The following TCOF1 variants were observed in gnomAD, a reference collection of about 807,000 sequenced individuals.
TCOF1 encodes treacle ribosome biogenesis factor 1, also known as treacle protein.
TCOF1 carries 33 observed loss-of-function variants against 149.0 expected under a neutral mutation model. The observed-to-expected ratio is 0.22, with a 90% CI of 0.17 to 0.30. The LOEUF (loss-of-function observed/expected upper bound fraction) is 0.30. TCOF1 is among the 10% of genes least tolerant of loss of function. The pLI, the probability that TCOF1 is intolerant of heterozygous loss-of-function variation, is 1.00. For missense variants in TCOF1, 1,728 were observed against 1,840.7 expected (o/e 0.94, Z 1.12); for synonymous variants, 789 against 738.8 (o/e 1.07, Z -1.10).
At chr5:150,378,620 C>T (rs1489716993) in intron 14 of TCOF1, 9 of 457,206 alleles carry the variant, frequency 2.0e-5, no homozygotes, top group South Asian at 1.3e-4. Flanking sequence ...AAGGAAGGCA[C>T]GCACAATGAG....
At chr5:150,364,321 GCTT>G in intron 3 of TCOF1, 69 bp downstream of exon 3, 1 of 1,605,526 alleles carries the variant, frequency 6.2e-7, no homozygotes, top group Non-Finnish European at 8.5e-7. Context: ...TCTACCTCCA[GCTT>G]CTTCTCTTAT....
chr5:150,379,147 A>T, intron 15 of TCOF1, 82 bp from the exon 16 acceptor site: 1 of 1,613,962 alleles, frequency 6.2e-7, no homozygotes. Context: ...CAGGCCACCC[A>T]CCCAGAGTTG....
chr5:150,361,804 G>C (rs1201451269), intron 2 of TCOF1, among the ~76,000 whole-genome samples: 1 of 152,182 alleles, frequency 6.6e-6, no homozygotes, highest in African/African-American at 2.4e-5. Flanking sequence ...GAGTGTACCT[G>C]CCAGTGGAAA....
At chr5:150,363,769 G>T (rs1309770282) in intron 2 of TCOF1, among the ~76,000 whole-genome samples, 2 of 152,224 alleles carry the variant, frequency 1.3e-5, no homozygotes, top group Admixed American at 6.5e-5. Flanking sequence ...AGAAGGCACA[G>T]TACACACAGC....
chr5:150,392,893 C>A, intron 22 of TCOF1, 103 bp downstream of exon 22: 1 of 1,384,920 alleles, frequency 7.2e-7, no homozygotes, highest in Non-Finnish European at 1.0e-6. Context: ...TGGGTCCCCT[C>A]TCTTCACAGA....
In TCOF1 at chr5:150,395,498, C is replaced by T. The variant is rs558995405; in HGVS notation, c.3785-784C>T. On this transcript the variant is annotated intron_variant, in intron 23 of 26. Coordinates refer to ENST00000643257, the MANE Select transcript of TCOF1 (RefSeq NM_001371623.1). ...CTTCCCCAACATTCTCTGTGAGAGG[C>T]GGTGCGACAAGGAGACATTTTAGAG... Among the ~76,000 whole-genome samples, 5 of 151,200 alleles carry T rather than the reference C, an allele frequency of 3.3e-5. No individual in the cohort carries two copies. The East Asian group carries it at 7.7e-4, about 23-fold the overall frequency.
intron 1 of TCOF1, among the ~76,000 whole-genome samples, chr5:150,360,044 A>G (rs188411475): frequency 1.2e-3 from 188 of 152,302 alleles, no homozygotes; most frequent in Non-Finnish European, 2.1e-3. Flanking sequence ...TGAGGACAGC[A>G]AGGAGGACAC....
chr5:150,367,253 C>T (rs192395094), intron 3 of TCOF1, among the ~76,000 whole-genome samples: 2 of 152,078 alleles, frequency 1.3e-5, no homozygotes, highest in African/African-American at 4.8e-5. Flanking sequence ...TGCAGTGAGC[C>T]GAGATTGTGC....
rs1008728630 is a variant in TCOF1 at position 150,398,402 on chromosome 5, C to G, written c.4394C>G (p.Ala1465Gly). The change falls in exon 25 of 27, where the codon GCC becomes GGC. Residue 1465 changes from alanine (A) to glycine (G), a missense_variant. This residue lies in a region of TCOF1 where 1,696 missense variants were observed against 1,765.4 expected (regional missense o/e 0.96). Transcript: ENST00000643257. ...KKEKKKKAKK[A>G]STKDSESPSQ... ...GAAAAGAAGAAGAAAGCAAAAAAGG[C>G]CTCAACCAAAGATTCTGAGTCACCG... 1 of 1,613,944 alleles carries G rather than the reference C, an allele frequency of 6.2e-7. No homozygotes were observed. The highest frequency in any genetic ancestry group is 1.7e-5 in the Admixed American group (1 of 59,976).
chr5:150,371,906 A>T lies in TCOF1; in HGVS notation c.640-100A>T, dbSNP rs977737282. On this transcript the variant is annotated intron_variant, in intron 6 of 26. Coordinates refer to ENST00000643257, the MANE Select transcript of TCOF1 (RefSeq NM_001371623.1). ...GGGAGTTGCTTAAAAATCCAGTGACATTAGGAAAGAGCTTTATCAACTGCT... is the reference window on the plus strand; with the variant it reads ...GGGAGTTGCTTAAAAATCCAGTGACTTTAGGAAAGAGCTTTATCAACTGCT... 3.6e-6 allele frequency: 4 copies of T among 1,102,154 alleles called. No individual in the cohort carries two copies. In the African/African-American group the frequency reaches 4.7e-5, roughly 13 times the overall value. 68.3% of individuals were successfully genotyped at this position (1,102,154 alleles called of 1,614,324 possible).
intron 23 of TCOF1, chr5:150,394,356 T>C (rs1322212523): frequency 6.5e-6 from 1 of 152,898 alleles, no homozygotes; most frequent in Non-Finnish European, 1.5e-5. Flanking sequence ...TGTAAAGCCT[T>C]GGAAATCCCC....
In TCOF1 at chr5:150,378,701, G is replaced by A. The variant is rs192813855; in HGVS notation, c.2341-204G>A. The A allele has an allele frequency of 7.1e-5, 46 of 649,938 alleles. No individual in the cohort carries two copies. The Admixed American group carries it at 8.3e-4, about 12-fold the overall frequency. The allele number at this position is 649,938 out of a possible 1,614,324, so 40.3% of individuals were successfully genotyped here. A position where few individuals can be genotyped will look rare whatever the true frequency, so the allele number is the denominator to read the frequency against. On this transcript the variant is annotated intron_variant, in intron 14 of 26. Coordinates refer to ENST00000643257, the MANE Select transcript of TCOF1 (RefSeq NM_001371623.1). ...TCCTATTTAGTCTTCATCATAACCC[G>A]TAGGTGGGCCTTATTATTATCTCCA...
intron 20 of TCOF1, 123 bp downstream of exon 20, chr5:150,391,780 C>A: frequency 8.4e-7 from 1 of 1,191,252 alleles, no homozygotes; most frequent in Non-Finnish European, 1.2e-6. Context: ...CTCCCTCGGC[C>A]TCAGTGGCCT....
chr5:150,368,021 A>T, intron 4 of TCOF1, 104 bp downstream of exon 4: 1 of 1,287,832 alleles, frequency 7.8e-7, no homozygotes. Context: ...TAATTGCCCC[A>T]CCTGGATTCA....
chr5:150,357,905 AGCGGCCC>A lies in TCOF1; in HGVS notation c.108+62_108+68del, dbSNP rs151344564. 1.3e-3 allele frequency: 1,962 copies of A among 1,517,944 alleles called. 16 individuals carry two copies. The East Asian group carries it at 0.014, about 11-fold the overall frequency. 94.0% of individuals were successfully genotyped at this position (1,517,944 alleles called of 1,614,324 possible). A position where few individuals can be genotyped will look rare whatever the true frequency, so the allele number is the denominator to read the frequency against. On this transcript the variant is annotated intron_variant, in intron 1 of 26. Transcript: ENST00000643257. ...GGGCCGCGTGCAAGATGTGGAGATCAGCGGCCCGCGGCCCGCGCCCCGTCCCCAGGCG... is the reference window on the plus strand; with the variant it reads ...GGGCCGCGTGCAAGATGTGGAGATCAGCGGCCCGCGCCCCGTCCCCAGGCG...
Position 150,395,448 on chromosome 5 carries a change from C to T in TCOF1, c.3785-834C>T, listed in dbSNP as rs186351860. Among the ~76,000 whole-genome samples, 561 of 152,102 alleles carry T rather than the reference C, an allele frequency of 3.7e-3. 2 individuals carry two copies. Among genetic ancestry groups the T allele is most frequent in the African/African-American group, 0.011 (468 of 41,496 alleles). The stretch of plus-strand genomic sequence containing the variant: ...AGCTGCAGCTTGCCCCAGGCTGGGT[C>T]GGAAGAGGAATTGCTGCTCACTTTC... On this transcript the variant is annotated intron_variant, in intron 23 of 26. Transcript: ENST00000643257.
chr5:150,391,892 C>G, intron 20 of TCOF1, 65 bp from the exon 21 acceptor site: 2 of 1,516,856 alleles, frequency 1.3e-6, no homozygotes, highest in Non-Finnish European at 9.1e-7. Context: ...CTGAAGTGTT[C>G]AGGAAGGACC....
At position 150,389,592 on chromosome 5, in the gene TCOF1, G is replaced by A. The variant is rs966693748; in HGVS notation, c.3047-295G>A. Among the ~76,000 whole-genome samples, 4 of 152,202 alleles carry A rather than the reference G, an allele frequency of 2.6e-5. No individual in the cohort carries two copies. The South Asian group carries it at 6.2e-4, about 24-fold the overall frequency. Reference sequence around the variant, plus strand: ...ACTGCAAGGAGAGTCGTTTGGTGCCGGTGCTCTGGCCCATTGCTCAGGAGT... The same window carrying A: ...ACTGCAAGGAGAGTCGTTTGGTGCCAGTGCTCTGGCCCATTGCTCAGGAGT... On this transcript the variant is annotated intron_variant, in intron 18 of 26. Transcript: ENST00000643257.
At position 150,396,390 on chromosome 5, in the gene TCOF1, A is replaced by G; in HGVS notation, c.3893A>G (p.Gln1298Arg). Reference protein sequence around the residue: ...STLALQSNITQCLLGQPWPLN... With the variant: ...STLALQSNITRCLLGQPWPLN... ...CTGGCGCTGCAAAGCAACATCACCCAGTGCCTCCTGGGCCAACCCTGGCCC... is the reference window on the plus strand; with the variant it reads ...CTGGCGCTGCAAAGCAACATCACCCGGTGCCTCCTGGGCCAACCCTGGCCC... Residue 1298 changes from glutamine to arginine, a missense_variant, in exon 24 of 27, where the codon CAG becomes CGG. Coordinates refer to ENST00000643257, the MANE Select transcript of TCOF1 (RefSeq NM_001371623.1). 1.9e-6 allele frequency: 3 copies of G among 1,613,996 alleles called. No homozygotes were observed. Among genetic ancestry groups the G allele is most frequent in the Non-Finnish European group, 2.5e-6 (3 of 1,180,026 alleles).
Sources: allele counts gnomAD v4.1 joint callset (sites outside exome capture counted in the v4.1 genomes callset), GRCh38; gene constraint gnomAD v4.1.1; regional missense constraint gnomAD v4.1.1; transcripts MANE v1.5; gene names NCBI Gene and HGNC (gene_info 2026-07-23, HGNC 2026-07-21).